The following MYO18B variants were observed in gnomAD, a reference collection of about 807,000 sequenced individuals.
MYO18B encodes unconventional myosin-XVIIIb.
MYO18B carries 204 observed loss-of-function variants against 273.0 expected under a neutral mutation model. The observed-to-expected ratio is 0.75, with a 90% CI of 0.67 to 0.84. The LOEUF (loss-of-function observed/expected upper bound fraction) is 0.84. Among genes scored for constraint, MYO18B ranks in the 40% least tolerant of loss-of-function variants. MYO18B has a pLI of 0.00. For synonymous variants in MYO18B, 1,330 were observed against 1,305.7 expected, an observed-to-expected ratio of 1.02 and a Z score of -0.40; for missense variants, 3,212 against 3,287.6, an observed-to-expected ratio of 0.98 and a Z score of 0.56.
chr22:25,982,825 C>T (rs1047714898), intron 39 of MYO18B, among the ~76,000 whole-genome samples: 17 of 152,160 alleles, frequency 1.1e-4, no homozygotes, highest in African/African-American at 3.6e-4. Flanking sequence ...TACAAGGGAA[C>T]GGATTTACAT....
At chr22:26,033,821 CTCCCTTCCTTCTTTCTTTCT>C (rs1412982588), downstream of MYO18B, among the ~76,000 whole-genome samples, 99 of 104,542 alleles carry the variant, frequency 9.5e-4, no homozygotes, top group African/African-American at 6.3e-3. Context: ...TTTTCTCTTC[CTCCCTTCCTTCTTTCTTTCT>C]TTCCTTTCTT....
chr22:25,824,934 A>C (rs561183608), intron 13 of MYO18B, among the ~76,000 whole-genome samples: 3 of 152,258 alleles, frequency 2.0e-5, no homozygotes, highest in African/African-American at 7.2e-5. Flanking sequence ...ACACATGCAC[A>C]GACACTGGCA....
At chr22:25,878,836 T>C (rs2091266710) in intron 25 of MYO18B, among the ~76,000 whole-genome samples, 1 of 152,220 alleles carries the variant, frequency 6.6e-6, no homozygotes, top group South Asian at 2.1e-4. Flanking sequence ...TCTGTGAAAG[T>C]TGAACCTGTC....
intron 34 of MYO18B, among the ~76,000 whole-genome samples, chr22:25,944,098 GTT>G (rs2092676871): frequency 6.6e-6 from 1 of 152,130 alleles, no homozygotes; most frequent in Non-Finnish European, 1.5e-5. Context: ...AGAGGGGCTG[GTT>G]TTGCCCTGCC....
chr22:25,847,615 G>C lies in MYO18B; in HGVS notation c.3738G>C (p.Gly1246=). The C allele has an allele frequency of 1.3e-6, 2 of 1,563,282 alleles. No homozygotes were observed. The highest frequency in any genetic ancestry group is 1.2e-5 in the South Asian group (1 of 84,636). The stretch of plus-strand genomic sequence containing the variant: ...CAGCACTGAGGGTCCAGCTTGCTGG[G>C]TTCCACATCCTGGAGGCTCTGCGTC... ...DIPALRVQLA[G]FHILEALRLH... The change falls in exon 20 of 44, where the codon GGG becomes GGC. Residue 1246 remains glycine (G), a synonymous_variant. Transcript: ENST00000335473.
At chr22:25,789,755 T>C (rs1362246343) in intron 11 of MYO18B, among the ~76,000 whole-genome samples, 1 of 152,188 alleles carries the variant, frequency 6.6e-6, no homozygotes, top group Non-Finnish European at 1.5e-5. Flanking sequence ...ACAAGCGCCA[T>C]TCACCTCACC....
chr22:25,971,318 G>T (rs541441715), intron 39 of MYO18B, among the ~76,000 whole-genome samples: 1 of 152,222 alleles, frequency 6.6e-6, no homozygotes, highest in Admixed American at 6.5e-5. Flanking sequence ...ATCTTGTCTC[G>T]ATCTCTTTCA....
At chr22:25,893,806 CCCAT>C (rs1207061188) in intron 27 of MYO18B, among the ~76,000 whole-genome samples, 4 of 148,260 alleles carry the variant, frequency 2.7e-5, no homozygotes, top group Non-Finnish European at 4.4e-5. Flanking sequence ...CACCCATCCA[CCCAT>C]CCATCCATTT....
At position 25,952,342 on chromosome 22, in the gene MYO18B, C is replaced by G. The variant is rs763641089; in HGVS notation, c.5889C>G (p.Ala1963=). 4 of 1,612,342 alleles carry G rather than the reference C, an allele frequency of 2.5e-6. No individual in the cohort carries two copies. In the South Asian group the frequency reaches 4.4e-5, roughly 18 times the overall value. Residue 1963 remains alanine, a synonymous_variant, in exon 38 of 44, where the codon GCC becomes GCG. Coordinates refer to ENST00000335473, the MANE Select transcript of MYO18B (RefSeq NM_032608.7). ...TGGAACAGTCCACCGTGGATCGAGC[C>G]ATCGTCAGCAGGCAGGAGGCGGTCA... is the stretch of plus-strand genomic sequence containing the variant. ...EYLEQSTVDR[A]IVSRQEAVIC...
At chr22:25,856,295 G>A (rs180818886) in intron 21 of MYO18B, among the ~76,000 whole-genome samples, 2 of 152,216 alleles carry the variant, frequency 1.3e-5, no homozygotes, top group Admixed American at 1.3e-4. Flanking sequence ...ATGATTAGGG[G>A]TGTTGAGCAT....
At chr22:26,006,429 A>G in intron 42 of MYO18B, 2 of 277,810 alleles carry the variant, frequency 7.2e-6, no homozygotes. Flanking sequence ...TAGAATTGTT[A>G]TTCTATACAG....
intron 34 of MYO18B, among the ~76,000 whole-genome samples, chr22:25,940,198 G>A (rs1286497744): frequency 2.6e-5 from 4 of 152,120 alleles, no homozygotes; most frequent in Admixed American, 6.6e-5. Flanking sequence ...TAATTCCCAC[G>A]TGTCATGAGA....
rs695584 is a variant in MYO18B, at chr22:25,842,672, CAAAA to C, written c.3209-1044_3209-1041del. 3.4e-4 allele frequency among the ~76,000 whole-genome samples: 22 copies of C among 64,574 alleles called. No individual in the cohort carries two copies. The East Asian group carries it at 6.6e-3, about 19-fold the overall frequency. The allele number at this position is 64,574 out of a possible 152,430, so 42.4% of individuals were successfully genotyped here. A position where few individuals can be genotyped will look rare whatever the true frequency, so the allele number is the denominator to read the frequency against. The stretch of plus-strand genomic sequence containing the variant: ...GGGTGACAAGAGTGAAACTCCGTCT[CAAAA>C]AAAAAAAAAAAAAAAAAATTCATCT... On this transcript the variant is annotated intron_variant, in intron 17 of 43. Coordinates refer to ENST00000335473, the MANE Select transcript of MYO18B (RefSeq NM_032608.7).
rs1404839154 is a variant in MYO18B, at chr22:25,826,454, G to T, written c.2741G>T (p.Gly914Val). The T allele has an allele frequency of 2.5e-6, 4 of 1,613,744 alleles. No homozygotes were observed. The highest frequency in any genetic ancestry group is 3.4e-6 in the Non-Finnish European group (4 of 1,179,796). ...GVDCVEGMAS[G>V]LYQELFAAVV... ...GACTGTGTGGAGGGGATGGCCTCGG[G>T]CCTGTACCAGGAACTCTTTGCGGCT... Residue 914 changes from glycine (G) to valine (V), a missense_variant, in exon 14 of 44, where the codon GGC becomes GTC. Physicochemically the swap from Gly to Val is moderately radical, Grantham distance 109. Coordinates refer to ENST00000335473, the MANE Select transcript of MYO18B (RefSeq NM_032608.7).
intron 19 of MYO18B, among the ~76,000 whole-genome samples, chr22:25,847,154 C>G (rs117172172): frequency 6.6e-6 from 1 of 152,034 alleles, no homozygotes; most frequent in African/African-American, 2.4e-5. Flanking sequence ...GCCCTTAGTC[C>G]GAGTCCTGAG....
chr22:26,031,174 T>C (rs1282730217), downstream of MYO18B: 5 of 376,914 alleles, frequency 1.3e-5, no homozygotes, highest in Non-Finnish European at 2.4e-5. Context: ...AGGTAGCAAA[T>C]GCTGCCTTTA....
chr22:25,795,934 G>T (rs771927346), intron 11 of MYO18B, among the ~76,000 whole-genome samples: 15 of 152,124 alleles, frequency 9.9e-5, no homozygotes, highest in Admixed American at 2.0e-4. Flanking sequence ...ATACTAATTT[G>T]CTGTGTGACC....
Position 25,836,308 on chromosome 22 carries a change from T to G in MYO18B, c.3208+865T>G, listed in dbSNP as rs577874510. 1.8e-4 allele frequency among the ~76,000 whole-genome samples: 27 copies of G among 152,346 alleles called. No homozygotes were observed. The South Asian group carries it at 5.0e-3, about 28-fold the overall frequency. ...GAAAGAAGTCACCCCTGGCCCTTTT[T>G]TCTCTAGAATTTCTGCTACGATGAT... On this transcript the variant is annotated intron_variant, in intron 17 of 43. Transcript: ENST00000335473.
At chr22:25,962,486 C>T (rs1302432569) in intron 39 of MYO18B, among the ~76,000 whole-genome samples, 1 of 152,198 alleles carries the variant, frequency 6.6e-6, no homozygotes, top group East Asian at 1.9e-4. Flanking sequence ...AAAAGTACAT[C>T]TTAGAAATGG....
Sources: gnomAD v4.1 joint callset for allele counts (sites outside exome capture counted in the v4.1 genomes callset) on GRCh38, gnomAD v4.1.1 for gene constraint, MANE v1.5 for transcripts, NCBI Gene and HGNC (gene_info 2026-07-23, HGNC 2026-07-21) for gene names.